Variants in LRBA observed in about 807,000 individuals in gnomAD.
LRBA encodes lipopolysaccharide-responsive and beige-like anchor protein.
In LRBA, 176 loss-of-function variants were observed where a neutral mutation model predicts 330.0. The observed-to-expected ratio is 0.53, with a 90% CI of 0.47 to 0.60. The LOEUF (loss-of-function observed/expected upper bound fraction) is 0.60, where lower values mean the gene tolerates loss of function less well. Among genes scored for constraint, LRBA ranks in the 20% least tolerant of loss-of-function variants. The pLI is 0.00. For synonymous variants in LRBA, 1,230 were observed against 1,193.0 expected (o/e 1.03, Z -0.64); for missense variants, 3,259 against 3,444.8 (o/e 0.95, Z 1.35).
chr4:150,777,444 A>T (rs72719605), intron 34 of LRBA, among the ~76,000 whole-genome samples: 1 of 152,172 alleles, frequency 6.6e-6, no homozygotes, highest in African/African-American at 2.4e-5. Flanking sequence ...TATTATAAAA[A>T]TATAAAAATT....
At chr4:150,491,665 G>T (rs1758966085) in intron 40 of LRBA, among the ~76,000 whole-genome samples, 1 of 152,058 alleles carries the variant, frequency 6.6e-6, no homozygotes, top group African/African-American at 2.4e-5. Context: ...TGGGGTAGGT[G>T]GTTGTCAGAG....
intron 34 of LRBA, among the ~76,000 whole-genome samples, chr4:150,787,393 C>A (rs578015273): frequency 4.3e-4 from 66 of 152,160 alleles, no homozygotes; most frequent in Non-Finnish European, 8.1e-4. Flanking sequence ...TAATTTTTAA[C>A]ACGAGATATA....
chr4:150,647,136 T>C (rs1561467009), intron 37 of LRBA, among the ~76,000 whole-genome samples: 1 of 151,938 alleles, frequency 6.6e-6, no homozygotes, highest in Non-Finnish European at 1.5e-5. Context: ...CCATCACATA[T>C]AATAAGGACA....
intron 47 of LRBA, among the ~76,000 whole-genome samples, chr4:150,404,321 A>AAT (rs1745890917): frequency 6.6e-6 from 1 of 152,208 alleles, no homozygotes; most frequent in East Asian, 1.9e-4. Flanking sequence ...ATTGGGAAAG[A>AAT]ATATATAGGG....
intron 40 of LRBA, among the ~76,000 whole-genome samples, chr4:150,557,707 G>C (rs1767506787): frequency 6.6e-6 from 1 of 152,110 alleles, no homozygotes; most frequent in South Asian, 2.1e-4. Flanking sequence ...TGGGGTTACA[G>C]GTTTTAGGAA....
intron 50 of LRBA, among the ~76,000 whole-genome samples, chr4:150,319,129 G>A (rs1732127876): frequency 6.6e-6 from 1 of 152,158 alleles, no homozygotes; most frequent in Non-Finnish European, 1.5e-5. Context: ...GGTTATCAGT[G>A]CTAAAACTTG....
At chr4:150,662,180 AT>A (rs1781179928) in intron 37 of LRBA, among the ~76,000 whole-genome samples, 1 of 152,216 alleles carries the variant, frequency 6.6e-6, no homozygotes, top group Non-Finnish European at 1.5e-5. Context: ...AGAGGCTAAT[AT>A]TAACAAATAT....
At chr4:150,860,771 T>C (rs1267567733) in intron 22 of LRBA, among the ~76,000 whole-genome samples, 1 of 151,344 alleles carries the variant, frequency 6.6e-6, no homozygotes, top group Admixed American at 6.6e-5. Context: ...GAGCTTGCAG[T>C]GAGCCAAGAT....
chr4:150,517,824 C>G (rs143764123), intron 40 of LRBA, among the ~76,000 whole-genome samples: 8 of 152,256 alleles, frequency 5.3e-5, no homozygotes, highest in African/African-American at 1.9e-4. Flanking sequence ...ACATCTGACA[C>G]CACAGACAGT....
intron 4 of LRBA, among the ~76,000 whole-genome samples, chr4:150,923,073 T>C (rs1733484889): frequency 6.6e-6 from 1 of 151,954 alleles, no homozygotes; most frequent in South Asian, 2.1e-4. Context: ...AAATCGAAAG[T>C]ATGTTTTTGA....
intron 40 of LRBA, among the ~76,000 whole-genome samples, chr4:150,559,144 A>ATTT (rs1767721876): frequency 6.6e-6 from 1 of 152,218 alleles, no homozygotes; most frequent in East Asian, 1.9e-4. Flanking sequence ...TTCTGTTAAA[A>ATTT]AAAGGAGAGA....
In LRBA at chr4:150,943,530, T is replaced by C. The variant is rs896930265; in HGVS notation, c.217-14465A>G. Among the ~76,000 whole-genome samples the C allele has an allele frequency of 2.6e-5, 4 of 152,234 alleles. No homozygotes were observed. In the South Asian group the frequency reaches 8.3e-4, roughly 32 times the overall value. ...CCTAAATCCATAAAAATAAAAGTGCTTGAAGTCTTAGATAGGCAGCTGGAT... is the reference window on the plus strand; with the variant it reads ...CCTAAATCCATAAAAATAAAAGTGCCTGAAGTCTTAGATAGGCAGCTGGAT... On this transcript the variant is annotated intron_variant, in intron 2 of 56. Transcript: ENST00000651943.
chr4:150,390,336 A>G (rs959684258), intron 47 of LRBA, among the ~76,000 whole-genome samples: 2 of 152,186 alleles, frequency 1.3e-5, no homozygotes, highest in East Asian at 1.9e-4. Context: ...CACTTTGGCT[A>G]TCTTTTCTGA....
intron 34 of LRBA, among the ~76,000 whole-genome samples, chr4:150,797,184 A>C (rs1740905097): frequency 6.6e-6 from 1 of 151,942 alleles, no homozygotes; most frequent in Non-Finnish European, 1.5e-5. Context: ...AGTCTAAATA[A>C]ATTTGGCATA....
chr4:150,289,613 C>T (rs534871999), intron 53 of LRBA, among the ~76,000 whole-genome samples: 14 of 152,270 alleles, frequency 9.2e-5, no homozygotes, highest in Middle Eastern at 3.4e-3. Flanking sequence ...CCTCTATAAA[C>T]CCACATACAT....
intron 37 of LRBA, among the ~76,000 whole-genome samples, chr4:150,618,738 G>A (rs1047606443): frequency 6.6e-6 from 1 of 151,672 alleles, no homozygotes; most frequent in Non-Finnish European, 1.5e-5. Context: ...TTTCTGGTCT[G>A]CTATAGCATT....
chr4:150,697,531 T>C (rs1784758899), intron 36 of LRBA, among the ~76,000 whole-genome samples: 1 of 152,110 alleles, frequency 6.6e-6, no homozygotes, highest in Non-Finnish European at 1.5e-5. Context: ...AAGAGCCTTC[T>C]CTTTTTAAAT....
intron 40 of LRBA, among the ~76,000 whole-genome samples, chr4:150,538,585 CTG>C (rs1764943896): frequency 6.6e-6 from 1 of 151,912 alleles, no homozygotes; most frequent in Non-Finnish European, 1.5e-5. Flanking sequence ...GAGTTAAACA[CTG>C]GGTACATATG....
chr4:150,737,983 C>CTTTT (rs774453122), intron 35 of LRBA, among the ~76,000 whole-genome samples: 33 of 112,132 alleles, frequency 2.9e-4, no homozygotes, highest in Non-Finnish European at 3.6e-4. Context: ...TTCTCTGAAT[C>CTTTT]TTTTTTTTTT....
Sources: gnomAD v4.1 joint callset for allele counts (sites outside exome capture counted in the v4.1 genomes callset) on GRCh38, gnomAD v4.1.1 for gene constraint, MANE v1.5 for transcripts, NCBI Gene and HGNC (gene_info 2026-07-23, HGNC 2026-07-21) for gene names.